FDXR: variants seen among roughly 807,000 people sequenced by gnomAD.
FDXR encodes ferredoxin reductase, also known as NADPH:adrenodoxin oxidoreductase, mitochondrial.
A neutral mutation model predicts 58.3 loss-of-function variants in FDXR; 38 were observed. The observed-to-expected ratio is 0.65, with a 90% CI of 0.50 to 0.85. The LOEUF (loss-of-function observed/expected upper bound fraction) is 0.85, where lower values mean the gene tolerates loss of function less well. Ranked by LOEUF, FDXR falls within the 40% of genes least tolerant of loss-of-function variation. The probability of loss-of-function intolerance (pLI) is 0.00; values close to 1 mark genes in which losing one functional copy is unlikely to be tolerated. For missense variants in FDXR, 624 were observed against 671.0 expected, an observed-to-expected ratio of 0.93 and a Z score of 0.77; for synonymous variants, 275 against 273.8, an observed-to-expected ratio of 1.00 and a Z score of -0.04.
At chr17:74,869,765 G>A (rs939459406) in intron 2 of FDXR, among the ~76,000 whole-genome samples, 4 of 152,144 alleles carry the variant, frequency 2.6e-5, no homozygotes, top group Admixed American at 1.3e-4. Flanking sequence ...CAGGGACCAC[G>A]TCTGTCCTGT....
chr17:74,865,924 C>T (rs1383465353), intron 5 of FDXR, 104 bp from the exon 6 acceptor site: 1 of 992,246 alleles, frequency 1.0e-6, no homozygotes, highest in African/African-American at 1.6e-5. Flanking sequence ...CTGGGGCTTC[C>T]CCACACCGGG....
rs866150236 is a variant in FDXR at position 74,872,893 on chromosome 17, G to T, written c.52C>A (p.Arg18=). Residue 18 remains arginine (R), a synonymous_variant, in exon 1 of 12, where the codon CGG becomes AGG. Coordinates refer to ENST00000293195, the MANE Select transcript of FDXR (RefSeq NM_024417.5). ...WWGWSAWPRT[R]LPPAGSTPSF... ...GGGGTGCTCCCGGCGGGAGGCAGCC[G>T]GGTCCGAGGCCACGCCGACCAGCCC... 6.4e-7 allele frequency: 1 copy of T among 1,551,688 alleles called. No homozygotes were observed. Among genetic ancestry groups the T allele is most frequent in the Non-Finnish European group, 8.7e-7 (1 of 1,148,426 alleles).
At chr17:74,868,830 G>A (rs2038280735) in intron 2 of FDXR, 1 of 1,282,980 alleles carries the variant, frequency 7.8e-7, no homozygotes, top group Non-Finnish European at 1.0e-6. Flanking sequence ...AAATTCCCCT[G>A]AACTTGCTGA....
intron 2 of FDXR, chr17:74,868,613 G>A (rs1314669407): frequency 6.5e-7 from 1 of 1,535,500 alleles, no homozygotes; most frequent in East Asian, 2.4e-5. Flanking sequence ...GTCCTCTCCA[G>A]GGCCACCTCC....
chr17:74,870,149 G>C (rs2038323207), intron 2 of FDXR: 1 of 308,734 alleles, frequency 3.2e-6, no homozygotes, highest in Admixed American at 3.2e-5. Flanking sequence ...ATTGTACCTG[G>C]CCTGAGCCCC....
chr17:74,867,527 C>G (rs2038234550), intron 2 of FDXR, among the ~76,000 whole-genome samples: 1 of 151,990 alleles, frequency 6.6e-6, no homozygotes, highest in African/African-American at 2.4e-5. Flanking sequence ...GAGGGCCACC[C>G]TCTGAATTCA....
At chr17:74,869,218 G>C (rs1431108098) in intron 2 of FDXR, among the ~76,000 whole-genome samples, 1 of 152,200 alleles carries the variant, frequency 6.6e-6, no homozygotes, top group Non-Finnish European at 1.5e-5. Flanking sequence ...ACCATCTACA[G>C]CTGTGGGCAC....
At chr17:74,871,609 T>C (rs1479723574) in intron 2 of FDXR, among the ~76,000 whole-genome samples, 1 of 151,906 alleles carries the variant, frequency 6.6e-6, no homozygotes, top group Admixed American at 6.6e-5. Context: ...GGACTGGAGC[T>C]ATGGGTGAGG....
chr17:74,866,265 C>G, intron 4 of FDXR, 21 bp from the exon 5 acceptor site: 2 of 1,605,768 alleles, frequency 1.2e-6, no homozygotes, highest in Non-Finnish European at 1.7e-6. Context: ...ATGGCAGGCC[C>G]GAGACCCACA....
At chr17:74,863,724 C>A (rs1355927778) in intron 10 of FDXR, among the ~76,000 whole-genome samples, 172 bp downstream of exon 10, 1 of 152,228 alleles carries the variant, frequency 6.6e-6, no homozygotes, top group African/African-American at 2.4e-5. Flanking sequence ...CCTAGCCAGA[C>A]TGGAACTTCT....
Position 74,865,743 on chromosome 17 carries a change from T to C in FDXR, c.585A>G (p.Leu195=). 6.2e-7 allele frequency: 1 copy of C among 1,612,516 alleles called. No homozygotes were observed. The highest frequency in any genetic ancestry group is 8.5e-7 in the Non-Finnish European group (1 of 1,179,752). Residue 195 remains leucine (L), a synonymous_variant, in exon 6 of 12, where the codon CTA becomes CTG. Coordinates refer to ENST00000293195, the MANE Select transcript of FDXR (RefSeq NM_024417.5). ...CCTCCAGGTGCTCAGGTGGGGTCAG[T>C]AGGATGCGGGCCACGTCCAGAGCCA... ...GNVALDVARI[L]LTPPEHLERT... is the part of the protein sequence containing the mutation.
At position 74,865,784 on chromosome 17, in the gene FDXR, G is replaced by A. The variant is rs1397846963; in HGVS notation, c.544C>T (p.Leu182=). ...PDLSCDTAVI[L]GQGNVALDVA... is the part of the protein sequence containing the mutation. ...TCCAGAGCCACGTTCCCCTGCCCCA[G>A]AATCACGGCTGTGTCACAGCTCAGG... The change falls in exon 6 of 12, where the codon CTG becomes TTG. Residue 182 remains leucine, a synonymous_variant. Transcript: ENST00000293195. The A allele has an allele frequency of 1.7e-5, 28 of 1,613,606 alleles. No homozygotes were observed. The highest frequency in any genetic ancestry group is 2.4e-5 in the Non-Finnish European group (28 of 1,179,950).
chr17:74,872,965 A>C lies in FDXR; in HGVS notation c.-21T>G. ...GCCATGGCTGGGAGCAGCAACCTGCAAGTGGATCTGTTCCTAGCTACTGCT... is the reference window on the plus strand; with the variant it reads ...GCCATGGCTGGGAGCAGCAACCTGCCAGTGGATCTGTTCCTAGCTACTGCT... On this transcript the variant is annotated 5_prime_UTR_variant, in exon 1 of 12. Transcript: ENST00000293195. The C allele has an allele frequency of 6.5e-7, 1 of 1,548,178 alleles. No homozygotes were observed. The highest frequency in any genetic ancestry group is 8.7e-7 in the Non-Finnish European group (1 of 1,146,064).
chr17:74,870,343 C>A (rs2038331332), intron 2 of FDXR, among the ~76,000 whole-genome samples: 1 of 151,928 alleles, frequency 6.6e-6, no homozygotes, highest in South Asian at 2.1e-4. Flanking sequence ...ATGGTGAAAC[C>A]CTGTCTCAAC....
rs772347757 is a variant in FDXR, at chr17:74,865,750, C to T, written c.578G>A (p.Arg193His). ...GTGCTCAGGTGGGGTCAGTAGGATG[C>T]GGGCCACGTCCAGAGCCACGTTCCC... ...GQGNVALDVA[R>H]ILLTPPEHLE... is the part of the protein sequence containing the mutation. Residue 193 changes from arginine to histidine, a missense_variant, in exon 6 of 12, where the codon CGC (arginine) becomes CAC (histidine). By Grantham distance (29) the Arg-to-His change is conservative. Coordinates refer to ENST00000293195, the MANE Select transcript of FDXR (RefSeq NM_024417.5). The T allele has an allele frequency of 4.3e-5, 69 of 1,612,614 alleles. No individual in the cohort carries two copies. Among genetic ancestry groups the T allele is most frequent in the Non-Finnish European group, 5.2e-5 (61 of 1,179,770 alleles).
intron 1 of FDXR, 100 bp from the exon 2 acceptor site, chr17:74,872,233 T>A (rs2038397798): frequency 6.5e-7 from 1 of 1,546,934 alleles, no homozygotes; most frequent in Non-Finnish European, 8.7e-7. Context: ...TTCCCAAGCT[T>A]CACCCTCACC....
At chr17:74,866,996 C>T (rs1262574181) in intron 2 of FDXR, 120 bp from the exon 3 acceptor site, 2 of 1,500,820 alleles carry the variant, frequency 1.3e-6, no homozygotes, top group Non-Finnish European at 1.8e-6. Context: ...GAACACAAGG[C>T]TTCCACCCTC....
In FDXR at chr17:74,863,229, A is replaced by C; in HGVS notation, c.1192T>G (p.Trp398Gly). 3 of 1,612,960 alleles carry C rather than the reference A, an allele frequency of 1.9e-6. No homozygotes were observed. Among genetic ancestry groups the C allele is most frequent in the Non-Finnish European group, 2.5e-6 (3 of 1,179,664 alleles). ...ACACCTGTAGGTCCTCTCTTCACCC[A>C]GCCGCTGCAGTAGAGGCCTGAGAGG... is the stretch of plus-strand genomic sequence containing the variant. ...MDVPGLYCSG[W>G]VKRGPTGVIA... Residue 398 changes from tryptophan (W) to glycine (G), a missense_variant, in exon 11 of 12, where the codon TGG becomes GGG. Transcript: ENST00000293195.
At position 74,864,863 on chromosome 17, in the gene FDXR, C is replaced by G; in HGVS notation, c.678G>C (p.Val226=). ...RQSRVKTVWL[V]GRRGPLQVAF... is the part of the protein sequence containing the mutation. The stretch of plus-strand genomic sequence containing the variant: ...CCACTTGCAGGGGTCCACGCCGGCC[C>G]ACTAGCCACACTGTCTTCACTCGAC... The change falls in exon 7 of 12, where the codon GTG becomes GTC. Residue 226 remains valine (V), a synonymous_variant. Coordinates refer to ENST00000293195, the MANE Select transcript of FDXR (RefSeq NM_024417.5). 1 of 1,614,170 alleles carries G rather than the reference C, an allele frequency of 6.2e-7. No individual in the cohort carries two copies. Among genetic ancestry groups the G allele is most frequent in the Non-Finnish European group, 8.5e-7 (1 of 1,180,018 alleles).
Sources: gnomAD v4.1 joint callset for allele counts (sites outside exome capture counted in the v4.1 genomes callset) on GRCh38, gnomAD v4.1.1 for gene constraint, MANE v1.5 for transcripts, NCBI Gene and HGNC (gene_info 2026-07-23, HGNC 2026-07-21) for gene names.